The following EPGN variants were observed in gnomAD, a reference collection of about 807,000 sequenced individuals.
EPGN encodes epigen.
In EPGN, 21 loss-of-function variants were observed where a neutral mutation model predicts 20.7. That is an observed-to-expected ratio of 1.01 (90% CI 0.72 to 1.46). The LOEUF (loss-of-function observed/expected upper bound fraction) is 1.46, where lower values mean the gene tolerates loss of function less well. EPGN is among the 40% of genes most tolerant of loss of function. The pLI is 0.00. For missense variants in EPGN, 199 were observed against 180.7 expected, an observed-to-expected ratio of 1.10 and a Z score of -0.58; for synonymous variants, 69 against 63.8, an observed-to-expected ratio of 1.08 and a Z score of -0.39.
intron 4 of EPGN, chr4:74,313,377 A>C: frequency 1.4e-6 from 2 of 1,392,290 alleles, no homozygotes; most frequent in South Asian, 1.8e-5. Flanking sequence ...CAGTTGTAAT[A>C]GGAGAGTTCA....
chr4:74,314,478 G>A (rs1751167078), intron 4 of EPGN, 102 bp from the exon 5 acceptor site: 1 of 1,154,436 alleles, frequency 8.7e-7, no homozygotes, highest in Admixed American at 2.1e-5. Context: ...GGGGATCTGG[G>A]TGGGACACCA....
intron 2 of EPGN, among the ~76,000 whole-genome samples, chr4:74,311,203 A>G (rs1243654801): frequency 6.6e-6 from 1 of 152,144 alleles, no homozygotes; most frequent in Admixed American, 6.6e-5. Flanking sequence ...ATCTAGTTTC[A>G]GGCTTAGTTA....
Position 74,315,680 on chromosome 4 carries a change from G to A in EPGN, c.*1043G>A, listed in dbSNP as rs1018757604. Among the ~76,000 whole-genome samples, 1 of 152,108 alleles carries A rather than the reference G, an allele frequency of 6.6e-6. No individual in the cohort carries two copies. The highest frequency in any genetic ancestry group is 2.4e-5 in the African/African-American group (1 of 41,416). On this transcript the variant is annotated 3_prime_UTR_variant, in exon 5 of 5. Transcript: ENST00000413830. ...AATAATCAGTATCCAGGCCAGGCGT[G>A]GTGGTTCACGCCTGTAATCCTAGCA...
chr4:74,316,130 G>A lies in EPGN; in HGVS notation c.*1493G>A, dbSNP rs747555335. 2.6e-4 allele frequency among the ~76,000 whole-genome samples: 40 copies of A among 151,952 alleles called. No individual in the cohort carries two copies. The highest frequency in any genetic ancestry group is 1.9e-3 in the South Asian group (9 of 4,828). ...AATGTTTTTCCAAATCTGCATTGCC[G>A]GTGAGATCCTCAACATCAGCATGTT... On this transcript the variant is annotated 3_prime_UTR_variant, in exon 5 of 5. Coordinates refer to ENST00000413830, the MANE Select transcript of EPGN (RefSeq NM_001270989.2).
chr4:74,308,506 GAGAA>G lies in EPGN; in HGVS notation c.-21_-18del. On this transcript the variant is annotated 5_prime_UTR_variant, in exon 1 of 5. Coordinates refer to ENST00000413830, the MANE Select transcript of EPGN (RefSeq NM_001270989.2). ...TCCACCCGTCAGTCTAGAAGGATAA[GAGAA>G]AGAAAGTTAAGCAACTACAGGAAAT... The G allele has an allele frequency of 6.2e-7, 1 of 1,602,240 alleles. No homozygotes were observed. Among genetic ancestry groups the G allele is most frequent in the South Asian group, 1.1e-5 (1 of 89,374 alleles).
rs568497721 is a variant in EPGN, at chr4:74,313,007, T to C, written c.255-11T>C. ...AGGTTTTAAAATTAAACTTTTTTTC[T>C]TTTTTTAAAGGTGTTTTACTGGTTA... On this transcript the variant is annotated splice_polypyrimidine_tract_variant and intron_variant, in intron 3 of 4. Coordinates refer to ENST00000413830, the MANE Select transcript of EPGN (RefSeq NM_001270989.2). 59 of 1,575,288 alleles carry C rather than the reference T, an allele frequency of 3.7e-5. No individual in the cohort carries two copies. In the East Asian group the frequency reaches 7.7e-4, roughly 21 times the overall value.
rs1751194174 is a variant in EPGN at position 74,314,804 on chromosome 4, T to G, written c.*167T>G. 1 of 656,710 alleles carries G rather than the reference T, an allele frequency of 1.5e-6. No individual in the cohort carries two copies. 40.7% of individuals were successfully genotyped at this position (656,710 alleles called of 1,614,324 possible). On this transcript the variant is annotated 3_prime_UTR_variant, in exon 5 of 5. Transcript: ENST00000413830. Reference sequence around the variant, plus strand: ...TAAAATTCAGCGTTGGCCTTTAGACTTTGCCATCCTTAAGGAGTGATGGAA... The same window carrying G: ...TAAAATTCAGCGTTGGCCTTTAGACGTTGCCATCCTTAAGGAGTGATGGAA...
Position 74,316,628 on chromosome 4 carries a change from T to C in EPGN, c.*1991T>C, listed in dbSNP as rs955914666. Among the ~76,000 whole-genome samples the C allele has an allele frequency of 5.9e-5, 9 of 152,110 alleles. No homozygotes were observed. The East Asian group carries it at 1.7e-3, about 29-fold the overall frequency. ...TTACATCATACCAAGGAGTGGAGAG[T>C]TGAAGTTTCCTCCCAGTGACTCCAG... On this transcript the variant is annotated 3_prime_UTR_variant, in exon 5 of 5. Transcript: ENST00000413830.
chr4:74,308,668 A>C, intron 1 of EPGN, 92 bp downstream of exon 1: 1 of 1,083,594 alleles, frequency 9.2e-7, no homozygotes, highest in Non-Finnish European at 1.3e-6. Context: ...GTTGGCTTCT[A>C]ACAGTTGTTC....
intron 1 of EPGN, among the ~76,000 whole-genome samples, 167 bp from the exon 2 acceptor site, chr4:74,308,926 A>T (rs1369566216): frequency 6.6e-6 from 1 of 152,194 alleles, no homozygotes; most frequent in African/African-American, 2.4e-5. Flanking sequence ...TAGTCAATGG[A>T]ATGGATGAGA....
intron 4 of EPGN, chr4:74,313,704 T>C (rs1751116116): frequency 3.7e-6 from 3 of 814,240 alleles, no homozygotes; most frequent in Non-Finnish European, 4.5e-6. Context: ...ATAATTGTAA[T>C]TATTTACATA....
chr4:74,312,748 A>G (rs959234325), intron 3 of EPGN, among the ~76,000 whole-genome samples: 4 of 152,230 alleles, frequency 2.6e-5, no homozygotes, highest in African/African-American at 9.6e-5. Flanking sequence ...GTATTCGCCT[A>G]TGGAAGAATA....
Position 74,312,245 on chromosome 4 carries a change from A to G in EPGN, c.194A>G (p.Asn65Ser). Residue 65 changes from asparagine (N) to serine (S), a missense_variant, in exon 3 of 5, where the codon AAC becomes AGC. Transcript: ENST00000413830. ...TCACACCTTTGCCTGGAAGATCATA[A>G]CAGTTACTGCATCAACGGTGCTTGT... ...KFSHLCLEDH[N>S]SYCINGACAF... 1.2e-6 allele frequency: 2 copies of G among 1,613,526 alleles called. No homozygotes were observed. The highest frequency in any genetic ancestry group is 1.7e-6 in the Non-Finnish European group (2 of 1,179,646).
chr4:74,314,882 G>GT lies in EPGN; in HGVS notation c.*251dup. 2 of 516,594 alleles carry GT rather than the reference G, an allele frequency of 3.9e-6. No individual in the cohort carries two copies. The highest frequency in any genetic ancestry group is 3.4e-6 in the Non-Finnish European group (1 of 290,950). 32.0% of individuals were successfully genotyped at this position (516,594 alleles called of 1,614,324 possible). On this transcript the variant is annotated 3_prime_UTR_variant, in exon 5 of 5. Transcript: ENST00000413830. ...AGTCAAATTCATAGTTTCACTCTGGGTTTTTTGTTGTTGTGTGGTTATTAT... is the reference window on the plus strand; with the variant it reads ...AGTCAAATTCATAGTTTCACTCTGGGTTTTTTTGTTGTTGTGTGGTTATTAT...
Position 74,314,728 on chromosome 4 carries a change from C to G in EPGN, c.*91C>G. 9.0e-7 allele frequency: 1 copy of G among 1,115,786 alleles called. No homozygotes were observed. Among genetic ancestry groups the G allele is most frequent in the South Asian group, 1.4e-5 (1 of 70,772 alleles). 69.1% of individuals were successfully genotyped at this position (1,115,786 alleles called of 1,614,324 possible). Reference sequence around the variant, plus strand: ...AGATGAAACAACAAAACTTGTCAAGCTGACTAGACTCGAAAATAATGAAAG... The same window carrying G: ...AGATGAAACAACAAAACTTGTCAAGGTGACTAGACTCGAAAATAATGAAAG... On this transcript the variant is annotated 3_prime_UTR_variant, in exon 5 of 5. Coordinates refer to ENST00000413830, the MANE Select transcript of EPGN (RefSeq NM_001270989.2).
At position 74,313,247 on chromosome 4, in the gene EPGN, C is replaced by G. The variant is rs1315214237; in HGVS notation, c.407+77C>G. ...TAGTTATTCAGGCCCTATAATGTGT[C>G]AGGCACTGACATGTAAAATTTTTTT... On this transcript the variant is annotated intron_variant, in intron 4 of 4. Transcript: ENST00000413830. 3 of 1,470,734 alleles carry G rather than the reference C, an allele frequency of 2.0e-6. No homozygotes were observed. In the African/African-American group the frequency reaches 4.4e-5, roughly 21 times the overall value. 91.1% of individuals were successfully genotyped at this position (1,470,734 alleles called of 1,614,324 possible).
Position 74,309,544 on chromosome 4 carries a change from A to T in EPGN, c.133+362A>T, listed in dbSNP as rs142278198. 2.2e-3 allele frequency among the ~76,000 whole-genome samples: 330 copies of T among 152,270 alleles called. 1 individual carries two copies. Among genetic ancestry groups the T allele is most frequent in the African/African-American group, 7.7e-3 (320 of 41,548 alleles). The stretch of plus-strand genomic sequence containing the variant: ...GAGCAGCATTATATTTTGATCTGTG[A>T]TTATAAGCTTTGATGCCAAAGACAT... On this transcript the variant is annotated intron_variant, in intron 2 of 4. Coordinates refer to ENST00000413830, the MANE Select transcript of EPGN (RefSeq NM_001270989.2).
At position 74,316,686 on chromosome 4, in the gene EPGN, CTGAG is replaced by C. The variant is rs768988472; in HGVS notation, c.*2051_*2054del. Among the ~76,000 whole-genome samples, 35 of 152,178 alleles carry C rather than the reference CTGAG, an allele frequency of 2.3e-4. No individual in the cohort carries two copies. The highest frequency in any genetic ancestry group is 1.5e-3 in the South Asian group (7 of 4,818). On this transcript the variant is annotated 3_prime_UTR_variant, in exon 5 of 5. Transcript: ENST00000413830. ...CCACACCTAGAAAGCGTTTCTCTTC[CTGAG>C]TATTTCAAAAAGATGTAAAAGAGCT...
In EPGN at chr4:74,315,572, ACTTT is replaced by A. The variant is rs1010294300; in HGVS notation, c.*940_*943del. On this transcript the variant is annotated 3_prime_UTR_variant, in exon 5 of 5. Transcript: ENST00000413830. ...TTTCACCAGACCACAGCATGTGGAA[ACTTT>A]CTTTATCATTTTTGAACACTTGTTA... 2.6e-5 allele frequency among the ~76,000 whole-genome samples: 4 copies of A among 152,362 alleles called. No individual in the cohort carries two copies. The highest frequency in any genetic ancestry group is 2.1e-4 in the South Asian group (1 of 4,828).
Sources: allele counts gnomAD v4.1 joint callset (sites outside exome capture counted in the v4.1 genomes callset), GRCh38; gene constraint gnomAD v4.1.1; transcripts MANE v1.5; gene names NCBI Gene and HGNC (gene_info 2026-07-23, HGNC 2026-07-21).